Variants in CSMD1 observed in about 807,000 individuals in gnomAD.
The protein encoded by CSMD1 is CUB and sushi domain-containing protein 1.
CSMD1 carries 213 observed loss-of-function variants against 417.5 expected under a neutral mutation model. The ratio of observed to expected loss-of-function variants is 0.51; its 90% CI spans 0.46 to 0.57. The LOEUF is 0.57. CSMD1 is among the 20% of genes least tolerant of loss of function. The probability of loss-of-function intolerance (pLI) is 0.00; values close to 1 mark genes in which losing one functional copy is unlikely to be tolerated. For synonymous variants in CSMD1, 2,862 were observed against 1,736.8 expected (o/e 1.65, Z -16.11); for missense variants, 6,923 against 4,529.7 (o/e 1.53, Z -15.17).
In CSMD1 at chr8:3,572,369, G is replaced by A. The variant is rs142440163; in HGVS notation, c.1344+2576C>T. ...CTGTGAAGCGGGCTAAGAGCAGGGA[G>A]GTGGGCAGGAGAGGGGCTTGGAGCA... On this transcript the variant is annotated intron_variant, in intron 10 of 69. Transcript: ENST00000635120. 2.5e-3 allele frequency among the ~76,000 whole-genome samples: 386 copies of A among 152,294 alleles called. 4 individuals carry two copies. Among genetic ancestry groups the A allele is most frequent in the African/African-American group, 8.9e-3 (372 of 41,566 alleles).
At chr8:3,720,910 G>A (rs111463508) in intron 6 of CSMD1, among the ~76,000 whole-genome samples, 8,799 of 152,048 alleles carry the variant, frequency 0.058, 585 homozygotes, top group African/African-American at 0.16. Context: ...CCGCTTCCCG[G>A]GTTCAAGTGT....
intron 2 of CSMD1, among the ~76,000 whole-genome samples, chr8:4,547,060 T>C (rs1797670848): frequency 6.6e-6 from 1 of 152,176 alleles, no homozygotes; most frequent in Non-Finnish European, 1.5e-5. Context: ...TCCAACTACC[T>C]TTTGGACTTG....
chr8:3,370,422 G>T (rs1809873474), intron 18 of CSMD1, among the ~76,000 whole-genome samples: 1 of 152,172 alleles, frequency 6.6e-6, no homozygotes, highest in South Asian at 2.1e-4. Flanking sequence ...CTGCAGTTGT[G>T]AGGCCTATGG....
At chr8:3,120,905 A>C (rs984173045) in intron 41 of CSMD1, among the ~76,000 whole-genome samples, 2 of 152,174 alleles carry the variant, frequency 1.3e-5, no homozygotes, top group African/African-American at 4.8e-5. Context: ...AATGATGGCA[A>C]CATTATTTGC....
At chr8:3,550,776 C>T (rs2116777424) in intron 10 of CSMD1, among the ~76,000 whole-genome samples, 1 of 152,330 alleles carries the variant, frequency 6.6e-6, no homozygotes, top group East Asian at 1.9e-4. Context: ...CATATTCCCA[C>T]ATCCTTCCTG....
intron 3 of CSMD1, among the ~76,000 whole-genome samples, chr8:4,384,333 C>G (rs372453628): frequency 1.3e-5 from 2 of 152,054 alleles, no homozygotes; most frequent in Admixed American, 6.5e-5. Context: ...CTCATGGCAA[C>G]GCACACACCA....
chr8:3,029,371 C>T lies in CSMD1; in HGVS notation c.7803G>A (p.Arg2601=), dbSNP rs1306926103. ...TGTTCCACGTCCCATTGGCCTGGCACCGCAGGAGCCTCCAGCCTTCTAAGT... is the reference window on the plus strand; with the variant it reads ...TGTTCCACGTCCCATTGGCCTGGCATCGCAGGAGCCTCCAGCCTTCTAAGT... ...GYYLEGWRLL[R]CQANGTWNIG... is the part of the protein sequence containing the mutation. Residue 2601 remains arginine, a synonymous_variant, in exon 51 of 70, where the codon CGG becomes CGA. Transcript: ENST00000635120. 5 of 1,611,232 alleles carry T rather than the reference C, an allele frequency of 3.1e-6. No individual in the cohort carries two copies. The African/African-American group carries it at 6.8e-5, about 22-fold the overall frequency.
chr8:3,926,020 C>CACACAG (rs1809641960), intron 5 of CSMD1, among the ~76,000 whole-genome samples: 1 of 110,488 alleles, frequency 9.1e-6, no homozygotes, highest in South Asian at 2.7e-4. Context: ...TCTATACACA[C>CACACAG]ACACACACAC....
At chr8:3,325,773 G>C (rs1309565953) in intron 23 of CSMD1, among the ~76,000 whole-genome samples, 1 of 152,122 alleles carries the variant, frequency 6.6e-6, no homozygotes, top group African/African-American at 2.4e-5. Flanking sequence ...GCAGTGAGCC[G>C]AGACTGTACC....
chr8:3,462,534 A>G (rs575441316), intron 12 of CSMD1, among the ~76,000 whole-genome samples: 3 of 152,266 alleles, frequency 2.0e-5, no homozygotes, highest in Admixed American at 2.0e-4. Flanking sequence ...CTTTATGAGA[A>G]TCTAATACCT....
At chr8:3,919,579 CTG>C (rs1298953240) in intron 5 of CSMD1, among the ~76,000 whole-genome samples, 2 of 152,064 alleles carry the variant, frequency 1.3e-5, no homozygotes, top group African/African-American at 2.4e-5. Context: ...ATGCCTTCAG[CTG>C]TGTTATTCTT....
At chr8:3,781,226 A>T (rs1029948737) in intron 5 of CSMD1, among the ~76,000 whole-genome samples, 1 of 152,122 alleles carries the variant, frequency 6.6e-6, no homozygotes, top group African/African-American at 2.4e-5. Context: ...AAAAAATTGC[A>T]CCTGTTCAAT....
chr8:3,487,651 G>C (rs1818131922), intron 11 of CSMD1, among the ~76,000 whole-genome samples: 1 of 152,140 alleles, frequency 6.6e-6, no homozygotes, highest in Non-Finnish European at 1.5e-5. Context: ...TTAGAATAAT[G>C]GAATTGCCAG....
chr8:4,722,947 G>C (rs919874295), intron 1 of CSMD1, among the ~76,000 whole-genome samples: 6 of 152,194 alleles, frequency 3.9e-5, no homozygotes, highest in Middle Eastern at 3.4e-3. Flanking sequence ...ATCTAAGCTC[G>C]GTGGGGTTTC....
At chr8:3,157,987 G>C in intron 38 of CSMD1, 21 bp from the exon 39 acceptor site, 2 of 1,534,680 alleles carry the variant, frequency 1.3e-6, no homozygotes, top group Non-Finnish European at 1.8e-6. Flanking sequence ...GAAAACAAAA[G>C]AAAATACATA....
At chr8:3,588,050 G>C (rs2469371) in intron 8 of CSMD1, among the ~76,000 whole-genome samples, 1 of 152,142 alleles carries the variant, frequency 6.6e-6, no homozygotes, top group South Asian at 2.1e-4. Context: ...TTGATCATTG[G>C]TCTGTGTTTA....
chr8:4,950,122 G>C (rs1393394639), intron 1 of CSMD1, among the ~76,000 whole-genome samples: 1 of 150,986 alleles, frequency 6.6e-6, no homozygotes, highest in East Asian at 1.9e-4. Context: ...CATATGATAA[G>C]ATTTTAATAT....
intron 3 of CSMD1, among the ~76,000 whole-genome samples, chr8:4,310,635 C>G (rs1193964892): frequency 6.6e-6 from 1 of 152,100 alleles, no homozygotes; most frequent in African/African-American, 2.4e-5. Context: ...AAAAATGAGT[C>G]AGACACATTT....
chr8:3,739,706 G>C (rs1350020757), intron 6 of CSMD1, among the ~76,000 whole-genome samples: 1 of 151,922 alleles, frequency 6.6e-6, no homozygotes, highest in Non-Finnish European at 1.5e-5. Context: ...TGGCATAATG[G>C]GTATTATAAG....
Sources: allele counts gnomAD v4.1 joint callset (sites outside exome capture counted in the v4.1 genomes callset), GRCh38; gene constraint gnomAD v4.1.1; transcripts MANE v1.5; gene names NCBI Gene and HGNC (gene_info 2026-07-23, HGNC 2026-07-21).